CLASRP: variants seen among roughly 807,000 people sequenced by gnomAD.
CLASRP encodes the protein CLK4-associating serine/arginine rich protein.
Under a neutral mutation model 99.9 loss-of-function variants are expected in CLASRP, and 52 were observed. The observed-to-expected ratio is 0.52, with a 90% CI of 0.42 to 0.66. The LOEUF (loss-of-function observed/expected upper bound fraction) is 0.66. Among genes scored for constraint, CLASRP ranks in the 30% least tolerant of loss-of-function variants. CLASRP has a pLI of 0.00. For missense variants in CLASRP, 848 were observed against 999.2 expected (o/e 0.85, Z 2.04); for synonymous variants, 379 against 373.0 (o/e 1.02, Z -0.18).
intron 18 of CLASRP, 86 bp from the exon 19 acceptor site, chr19:45,069,936 C>T (rs535534845): frequency 2.0e-5 from 15 of 768,360 alleles, no homozygotes; most frequent in South Asian, 4.3e-5. Context: ...CTGTCTTCCT[C>T]GGAGTAGGGT....
chr19:45,058,332 G>A (rs1231779737), intron 7 of CLASRP: 1 of 164,810 alleles, frequency 6.1e-6, no homozygotes, highest in Non-Finnish European at 1.3e-5. Flanking sequence ...CCACCCCCAA[G>A]TCTCTCTGTT....
At chr19:45,058,190 C>T (rs535558929) in intron 7 of CLASRP, 3 of 440,986 alleles carry the variant, frequency 6.8e-6, no homozygotes, top group Non-Finnish European at 1.3e-5. Flanking sequence ...TGCCTTTGCC[C>T]CTCTCTCCTG....
intron 2 of CLASRP, among the ~76,000 whole-genome samples, chr19:45,044,202 C>T (rs1329540168): frequency 6.6e-6 from 1 of 152,198 alleles, no homozygotes; most frequent in Non-Finnish European, 1.5e-5. Context: ...TTATTAAGGG[C>T]CCATGGTGCG....
chr19:45,057,224 T>C (rs1462378177), intron 6 of CLASRP, among the ~76,000 whole-genome samples: 1 of 152,202 alleles, frequency 6.6e-6, no homozygotes, highest in Non-Finnish European at 1.5e-5. Flanking sequence ...GGCTCGGGGC[T>C]GGGCAGCTCC....
At chr19:45,070,190 G>GA (rs1967204174) in intron 19 of CLASRP, 86 bp downstream of exon 19, 2 of 883,600 alleles carry the variant, frequency 2.3e-6, no homozygotes, top group Non-Finnish European at 3.8e-6. Context: ...AGTACAGCCG[G>GA]GCGCGGTGGC....
Position 45,060,432 on chromosome 19 carries a change from G to A in CLASRP, c.754G>A (p.Ala252Thr). 2 of 1,614,176 alleles carry A rather than the reference G, an allele frequency of 1.2e-6. No individual in the cohort carries two copies. The highest frequency in any genetic ancestry group is 1.7e-6 in the Non-Finnish European group (2 of 1,180,032). The change falls in exon 9 of 21, where the codon GCC (alanine) becomes ACC (threonine). Residue 252 changes from alanine (A) to threonine (T), a missense_variant. Physicochemically the swap from Ala to Thr is moderately conservative, Grantham distance 58. This residue lies in a region of CLASRP where 119 missense variants were observed against 170.2 expected (regional missense o/e 0.70). Coordinates refer to ENST00000221455, the MANE Select transcript of CLASRP (RefSeq NM_007056.3). The surrounding 1 kb of genome is among the most constrained non-coding windows in gnomAD (Gnocchi z 4.6). ...GGAGGAGGCAGAGGCCATCAAGCAT[G>A]CCAAGGCTCTTGAGGAGGAGAAGGC... The part of the protein sequence containing the change: ...DKEEAEAIKH[A>T]KALEEEKAMY...
In CLASRP at chr19:45,064,600, G is replaced by C. The variant is rs1244638630; in HGVS notation, c.1379G>C (p.Arg460Pro). ...CGGTACTCCCGCTCGCCCGCCCGGCGTGGTGGTTACGGGCCCCGGCGCAGA... is the reference window on the plus strand; with the variant it reads ...CGGTACTCCCGCTCGCCCGCCCGGCCTGGTGGTTACGGGCCCCGGCGCAGA... ...GHRYSRSPARRGGYGPRRRSR... is the reference protein window; with the variant it reads ...GHRYSRSPARPGGYGPRRRSR... Residue 460 changes from arginine to proline, a missense_variant, in exon 13 of 21, where the codon CGT becomes CCT. This residue lies in a region of CLASRP where 489 missense variants were observed against 434.7 expected (regional missense o/e 1.12). Transcript: ENST00000221455. 3 of 1,552,102 alleles carry C rather than the reference G, an allele frequency of 1.9e-6. No individual in the cohort carries two copies. The highest frequency in any genetic ancestry group is 2.3e-5 in the South Asian group (2 of 85,192).
In CLASRP at chr19:45,052,141, C is replaced by T; in HGVS notation, c.170C>T (p.Ala57Val). 1.2e-6 allele frequency: 2 copies of T among 1,614,034 alleles called. No individual in the cohort carries two copies. The highest frequency in any genetic ancestry group is 1.7e-6 in the Non-Finnish European group (2 of 1,180,018). ...AAGGTGCACCTGGATTCTGCAGTCG[C>T]CCTGGCCGCTGAGAGCCCTGTTAAT... ...ACKVHLDSAV[A>V]LAAESPVNMM... Residue 57 changes from alanine (A) to valine (V), a missense_variant, in exon 3 of 21, where the codon GCC becomes GTC. This residue lies in a region of CLASRP where 46 missense variants were observed against 96.8 expected (regional missense o/e 0.48). Transcript: ENST00000221455.
Position 45,056,523 on chromosome 19 carries a change from T to G in CLASRP, c.453T>G (p.Asp151Glu). 1 of 1,613,562 alleles carries G rather than the reference T, an allele frequency of 6.2e-7. No homozygotes were observed. Among genetic ancestry groups the G allele is most frequent in the South Asian group, 1.1e-5 (1 of 91,064 alleles). Reference protein sequence around the residue: ...LYGGLQRPSEDEKKKLAEKKA... With the variant: ...LYGGLQRPSEEEKKKLAEKKA... ...GAGGCCTCCAGAGACCCAGCGAAGATGAGAAGAAGAAGTGAGTCGGGGTCT... is the reference window on the plus strand; with the variant it reads ...GAGGCCTCCAGAGACCCAGCGAAGAGGAGAAGAAGAAGTGAGTCGGGGTCT... The change falls in exon 6 of 21, where the codon GAT (aspartate) becomes GAG (glutamate). Residue 151 changes from aspartate (D) to glutamate (E), a missense_variant. Coordinates refer to ENST00000221455, the MANE Select transcript of CLASRP (RefSeq NM_007056.3).
intron 2 of CLASRP, among the ~76,000 whole-genome samples, chr19:45,046,412 C>A (rs892402404): frequency 1.3e-5 from 2 of 152,166 alleles, no homozygotes; most frequent in African/African-American, 4.8e-5. Flanking sequence ...TCTGTTGATA[C>A]GGAAATAAGA....
At chr19:45,057,369 T>C (rs1429072701) in intron 6 of CLASRP, among the ~76,000 whole-genome samples, 4 of 152,192 alleles carry the variant, frequency 2.6e-5, no homozygotes, top group African/African-American at 9.7e-5. Flanking sequence ...AGGATCCTGC[T>C]CAGGCCCTGC....
chr19:45,070,479 AG>A (rs1967213821), intron 19 of CLASRP, 57 bp from the exon 20 acceptor site: 3 of 1,554,734 alleles, frequency 1.9e-6, no homozygotes, highest in Non-Finnish European at 2.7e-6. Context: ...CCCCAGGTCA[AG>A]GAAGAGGCCC....
In CLASRP at chr19:45,062,056, A is replaced by G. The variant is rs901142875; in HGVS notation, c.864-98A>G. The stretch of plus-strand genomic sequence containing the variant: ...CAGCAGCCCCCTCACTGTGCCAGGT[A>G]CCTAGCTTTGGGTCCTCAGGTTGGC... On this transcript the variant is annotated intron_variant, in intron 10 of 20. Transcript: ENST00000221455. 1.5e-5 allele frequency: 12 copies of G among 803,062 alleles called. No homozygotes were observed. The South Asian group carries it at 1.6e-4, about 11-fold the overall frequency. The allele number at this position is 803,062 out of a possible 1,614,324, so 49.7% of individuals were successfully genotyped here. A position where few individuals can be genotyped will look rare whatever the true frequency, so the allele number is the denominator to read the frequency against.
chr19:45,059,177 C>A (rs900357780), intron 7 of CLASRP, 91 bp from the exon 8 acceptor site: 12 of 1,022,596 alleles, frequency 1.2e-5, no homozygotes, highest in Non-Finnish European at 1.3e-5. Flanking sequence ...GTCTGGCGGG[C>A]GCCCCATCAT....
intron 2 of CLASRP, among the ~76,000 whole-genome samples, chr19:45,043,195 T>TTGTGTGTGTGTGTG (rs58669276): frequency 9.6e-4 from 130 of 134,746 alleles, no homozygotes; most frequent in African/African-American, 2.7e-3. Flanking sequence ...AAGGAATACT[T>TTGTGTGTGTGTGTG]TGTGTGTGTG....
rs779732334 is a variant in CLASRP at position 45,070,524 on chromosome 19, G to C, written c.1958-13G>C. 1.2e-6 allele frequency: 2 copies of C among 1,613,842 alleles called. No homozygotes were observed. The highest frequency in any genetic ancestry group is 1.7e-6 in the Non-Finnish European group (2 of 1,179,734). On this transcript the variant is annotated splice_polypyrimidine_tract_variant and intron_variant, in intron 19 of 20. Coordinates refer to ENST00000221455, the MANE Select transcript of CLASRP (RefSeq NM_007056.3). Reference sequence around the variant, plus strand: ...GATGTTTGCTCGCTCTTCACCTGTTGTTTTCTTTCCAGGTCGAGAATACAG... The same window carrying C: ...GATGTTTGCTCGCTCTTCACCTGTTCTTTTCTTTCCAGGTCGAGAATACAG...
chr19:45,060,077 C>T lies in CLASRP; in HGVS notation c.711-312C>T, dbSNP rs1966904930. 1.3e-5 allele frequency among the ~76,000 whole-genome samples: 2 copies of T among 152,294 alleles called. No homozygotes were observed. The highest frequency in any genetic ancestry group is 2.9e-5 in the Non-Finnish European group (2 of 68,030). ...GCTTCCCTGAGCTCCCTCTTGAAAA[C>T]TGCAGCTTCCTCTGCCTTTGCTCTA... On this transcript the variant is annotated intron_variant, in intron 8 of 20. Coordinates refer to ENST00000221455, the MANE Select transcript of CLASRP (RefSeq NM_007056.3). The surrounding 1 kb of genome is among the most constrained non-coding windows in gnomAD (Gnocchi z 4.6).
At chr19:45,063,984 T>C in intron 11 of CLASRP, 28 bp from the exon 12 acceptor site, 1 of 1,581,662 alleles carries the variant, frequency 6.3e-7, no homozygotes. Context: ...GAGCCTGAGC[T>C]AGTGAGCCTC....
intron 2 of CLASRP, 142 bp downstream of exon 2, chr19:45,040,453 G>T: frequency 1.7e-6 from 1 of 596,438 alleles, no homozygotes; most frequent in Admixed American, 2.8e-5. Flanking sequence ...CTTTTCTTGA[G>T]GATAATCATT....
Sources: allele counts gnomAD v4.1 joint callset (sites outside exome capture counted in the v4.1 genomes callset), GRCh38; gene constraint gnomAD v4.1.1; regional missense constraint gnomAD v4.1.1; non-coding constraint Gnocchi (gnomAD v3.1); transcripts MANE v1.5; gene names NCBI Gene and HGNC (gene_info 2026-07-23, HGNC 2026-07-21).